The following AOPEP variants were observed in gnomAD, a reference collection of about 807,000 sequenced individuals.
AOPEP encodes the protein aminopeptidase O.
A neutral mutation model predicts 98.1 loss-of-function variants in AOPEP; 77 were observed. That is an observed-to-expected ratio of 0.78 (90% confidence interval 0.65 to 0.95). The LOEUF (loss-of-function observed/expected upper bound fraction) is 0.95. Among genes scored for constraint, AOPEP ranks in the 40% least tolerant of loss-of-function variants. The pLI, the probability that AOPEP is intolerant of heterozygous loss-of-function variation, is 0.00. For missense variants in AOPEP, 1,024 were observed against 1,024.7 expected, an observed-to-expected ratio of 1.00 and a Z score of 0.01; for synonymous variants, 346 against 365.3, an observed-to-expected ratio of 0.95 and a Z score of 0.60.
chr9:94,844,936 A>G (rs2042680636), intron 5 of AOPEP, among the ~76,000 whole-genome samples: 1 of 152,074 alleles, frequency 6.6e-6, no homozygotes, highest in Non-Finnish European at 1.5e-5. Context: ...ACCATTTCAG[A>G]AAAAAAAGAT....
chr9:95,020,529 A>T (rs1161048736), intron 13 of AOPEP, among the ~76,000 whole-genome samples: 1 of 151,940 alleles, frequency 6.6e-6, no homozygotes, highest in Admixed American at 6.6e-5. Context: ...TTTTCATGTT[A>T]CATTAGTGGA....
At chr9:94,762,687 T>C (rs1838630737) in intron 2 of AOPEP, among the ~76,000 whole-genome samples, 2 of 152,186 alleles carry the variant, frequency 1.3e-5, no homozygotes, top group African/African-American at 4.8e-5. Context: ...AAAGGTGTTT[T>C]CTCTTTTTTT....
chr9:94,877,285 A>C (rs2047058407), intron 5 of AOPEP, among the ~76,000 whole-genome samples: 1 of 152,154 alleles, frequency 6.6e-6, no homozygotes, highest in Non-Finnish European at 1.5e-5. Context: ...GGGTCAGTTA[A>C]ATTTATTTGT....
In AOPEP at chr9:94,760,374, T is replaced by G. The variant is rs1457423669; in HGVS notation, c.591T>G (p.Asn197Lys). ...GTGAACTTGTGACTTTGCCTGCAAA[T>G]CGTTGGAGGGAGCAGTTAGACTATT... ...IVRELVTLPANRWREQLDYYA... is the reference protein window; with the variant it reads ...IVRELVTLPAKRWREQLDYYA... The change falls in exon 2 of 17, where the codon AAT (asparagine) becomes AAG (lysine). Residue 197 changes from asparagine to lysine, a missense_variant. Around this residue, in one of 3 missense-constraint regions of AOPEP, gnomAD observed 440 missense variants for 433.8 expected, o/e 1.01. Coordinates refer to ENST00000375315, the MANE Select transcript of AOPEP (RefSeq NM_001193329.3). 2 of 1,613,990 alleles carry G rather than the reference T, an allele frequency of 1.2e-6. No individual in the cohort carries two copies. The highest frequency in any genetic ancestry group is 1.7e-6 in the Non-Finnish European group (2 of 1,180,038).
intron 16 of AOPEP, among the ~76,000 whole-genome samples, chr9:95,084,500 A>AAT (rs1170113642): frequency 6.6e-6 from 1 of 152,170 alleles, no homozygotes; most frequent in African/African-American, 2.4e-5. Context: ...CCGGCCTCAT[A>AAT]ATAGTAATCA....
At chr9:95,076,066 C>CTGAA (rs2069030260) in intron 14 of AOPEP, among the ~76,000 whole-genome samples, 3 of 152,256 alleles carry the variant, frequency 2.0e-5, no homozygotes, top group Admixed American at 1.3e-4. Context: ...GTCTCTGGTA[C>CTGAA]TTCACCGTAC....
At position 95,029,172 on chromosome 9, in the gene AOPEP, G is replaced by A. The variant is rs75566397; in HGVS notation, c.2115+23556G>A. Among the ~76,000 whole-genome samples, 3 of 152,234 alleles carry A rather than the reference G, an allele frequency of 2.0e-5. No individual in the cohort carries two copies. In the South Asian group the frequency reaches 6.2e-4, roughly 32 times the overall value. On this transcript the variant is annotated intron_variant, in intron 13 of 16. Transcript: ENST00000375315. Reference sequence around the variant, plus strand: ...GACCAACATGAAATCTCCTGTCACCGTGCACTCTCTTGGGGAAACTGGGGG... The same window carrying A: ...GACCAACATGAAATCTCCTGTCACCATGCACTCTCTTGGGGAAACTGGGGG...
Position 94,845,228 on chromosome 9 carries a change from C to T in AOPEP, c.1364+44226C>T, listed in dbSNP as rs369672423. 2.8e-3 allele frequency among the ~76,000 whole-genome samples: 422 copies of T among 152,318 alleles called. 1 individual carries two copies. The highest frequency in any genetic ancestry group is 9.7e-3 in the African/African-American group (403 of 41,570). On this transcript the variant is annotated intron_variant, in intron 5 of 16. Transcript: ENST00000375315. ...TGGGACTTTAGGAAACTGTGGTATT[C>T]CAGCACAGACAAGACACAGAGTCAG... is the stretch of plus-strand genomic sequence containing the variant.
intron 14 of AOPEP, among the ~76,000 whole-genome samples, chr9:95,062,437 T>C (rs2067404185): frequency 6.6e-6 from 1 of 152,226 alleles, no homozygotes; most frequent in African/African-American, 2.4e-5. Flanking sequence ...CTGCTCCTCA[T>C]GGCAAAGTGC....
the AOPEP span, chr9:95,099,230 G>A: frequency 4.6e-6 from 1 of 218,458 alleles, no homozygotes; most frequent in Non-Finnish European, 9.2e-6. Flanking sequence ...GGTTTTACCA[G>A]CATGCTTTAT....
intron 16 of AOPEP, among the ~76,000 whole-genome samples, chr9:95,083,946 A>G (rs2070243781): frequency 6.6e-6 from 1 of 152,250 alleles, no homozygotes; most frequent in Admixed American, 6.5e-5. Context: ...TTAGTTGCTC[A>G]GTATGGGTTT....
chr9:94,769,874 C>T (rs542734493), intron 2 of AOPEP, among the ~76,000 whole-genome samples: 1 of 152,240 alleles, frequency 6.6e-6, no homozygotes, highest in South Asian at 2.1e-4. Flanking sequence ...AATTCTAGAA[C>T]AAAATGTCTA....
At chr9:94,959,401 C>T (rs1441203553) in intron 9 of AOPEP, among the ~76,000 whole-genome samples, 3 of 151,982 alleles carry the variant, frequency 2.0e-5, no homozygotes, top group Non-Finnish European at 1.5e-5. Context: ...ATCCAGTTGT[C>T]CCATAAACCA....
intron 1 of AOPEP, among the ~76,000 whole-genome samples, chr9:94,745,476 C>T (rs113410121): frequency 0.011 from 1,692 of 152,064 alleles, 29 homozygotes; most frequent in African/African-American, 0.038. Flanking sequence ...GGGGTTTCAC[C>T]GTGTTAGCCA....
intron 5 of AOPEP, among the ~76,000 whole-genome samples, chr9:94,898,589 G>A (rs1205673501): frequency 6.7e-6 from 1 of 149,918 alleles, no homozygotes; most frequent in Non-Finnish European, 1.5e-5. Context: ...GCCAGATCGC[G>A]CCATTGCACT....
chr9:95,087,370 C>T (rs1424479644), downstream of AOPEP, among the ~76,000 whole-genome samples: 1 of 149,014 alleles, frequency 6.7e-6, no homozygotes, highest in East Asian at 2.0e-4. Flanking sequence ...GTAATCCCAG[C>T]TACTCGGGAG....
chr9:94,758,653 C>T (rs928059446), intron 1 of AOPEP, among the ~76,000 whole-genome samples: 1 of 152,164 alleles, frequency 6.6e-6, no homozygotes. Context: ...TTAAACATAT[C>T]TGCTCTGTCA....
At chr9:94,941,406 T>G (rs149028293) in intron 7 of AOPEP, among the ~76,000 whole-genome samples, 1 of 152,376 alleles carries the variant, frequency 6.6e-6, no homozygotes, top group East Asian at 1.9e-4. Context: ...TCTAGTGTTT[T>G]TATTTGAACC....
At position 94,758,510 on chromosome 9, in the gene AOPEP, A is replaced by G. The variant is rs142417908; in HGVS notation, c.-135-1139A>G. 4.6e-5 allele frequency among the ~76,000 whole-genome samples: 7 copies of G among 152,310 alleles called. No individual in the cohort carries two copies. The East Asian group carries it at 1.4e-3, about 29-fold the overall frequency. ...AAAAGGGTCTAGTAGAGATGCAGAT[A>G]AAGCTGGCAGGGAAGTGAGGAGGAG... On this transcript the variant is annotated intron_variant, in intron 1 of 16. Transcript: ENST00000375315.
Sources: allele counts gnomAD v4.1 joint callset (sites outside exome capture counted in the v4.1 genomes callset), GRCh38; gene constraint gnomAD v4.1.1; regional missense constraint gnomAD v4.1.1; transcripts MANE v1.5; gene names NCBI Gene and HGNC (gene_info 2026-07-23, HGNC 2026-07-21).